The following OTOF variants were observed in gnomAD, a reference collection of about 807,000 sequenced individuals.
OTOF encodes fer-1-like family member 2.
Under a neutral mutation model 236.8 loss-of-function variants are expected in OTOF, and 218 were observed. That is an observed-to-expected ratio of 0.92 (90% confidence interval 0.82 to 1.03). OTOF has a LOEUF of 1.03. Ranked by LOEUF, OTOF falls within the 50% of genes least tolerant of loss-of-function variation. The pLI is 0.00. For missense variants in OTOF, 2,590 were observed against 2,694.4 expected, an observed-to-expected ratio of 0.96 and a Z score of 0.86; for synonymous variants, 1,041 against 1,072.5, an observed-to-expected ratio of 0.97 and a Z score of 0.57.
chr2:26,475,108 C>T (rs1210431957), intron 25 of OTOF, among the ~76,000 whole-genome samples: 6 of 152,016 alleles, frequency 3.9e-5, no homozygotes, highest in African/African-American at 9.7e-5. Context: ...CTTGCTGGCA[C>T]ACCTCCAGGG....
At chr2:26,501,658 G>A (rs1666117608) in intron 8 of OTOF, 96 bp downstream of exon 8, 1 of 877,210 alleles carries the variant, frequency 1.1e-6, no homozygotes. Flanking sequence ...ATGACCCCTG[G>A]ATCCATGCCT....
chr2:26,475,270 G>C, intron 25 of OTOF, 89 bp downstream of exon 25: 5 of 1,477,184 alleles, frequency 3.4e-6, no homozygotes, highest in Non-Finnish European at 4.7e-6. Context: ...TGGCGGAGGT[G>C]AGGGCACAGC....
chr2:26,558,217 C>T (rs963734340), intron 1 of OTOF, among the ~76,000 whole-genome samples: 1 of 152,052 alleles, frequency 6.6e-6, no homozygotes, highest in Admixed American at 6.5e-5. Context: ...TCTGCCTCCC[C>T]AGGCAGAGGG....
rs1172296369 is a variant in OTOF, at chr2:26,467,216, C to T, written c.4245G>A (p.Leu1415=). The T allele has an allele frequency of 1.9e-6, 3 of 1,614,030 alleles. No homozygotes were observed. The African/African-American group carries it at 4.0e-5, about 22-fold the overall frequency. ...IDELKVYPKE[L]ESEFDNFEDW... is the part of the protein sequence containing the mutation. ...CCTCAAAGTTATCAAACTCGGACTC[C>T]AGCTCTTTGGGGTATACCTGAGACA... The change falls in exon 35 of 47, where the codon CTG becomes CTA. Residue 1415 remains leucine (L), a synonymous_variant. Coordinates refer to ENST00000272371, the MANE Select transcript of OTOF (RefSeq NM_194248.3).
intron 11 of OTOF, among the ~76,000 whole-genome samples, chr2:26,488,354 T>A (rs1665749977): frequency 6.6e-6 from 1 of 152,230 alleles, no homozygotes; most frequent in Non-Finnish European, 1.5e-5. Flanking sequence ...ATTACAGCAC[T>A]CTGAGCAGTG....
intron 36 of OTOF, chr2:26,466,345 T>A: frequency 1.9e-6 from 1 of 539,262 alleles, no homozygotes; most frequent in East Asian, 3.4e-5. Context: ...TCTTCTTTTT[T>A]TTTTCCTTTG....
chr2:26,519,373 C>G (rs1666620189), intron 3 of OTOF, among the ~76,000 whole-genome samples: 1 of 152,212 alleles, frequency 6.6e-6, no homozygotes, highest in Non-Finnish European at 1.5e-5. Flanking sequence ...TGTCTACAGA[C>G]TGCGGGGAAA....
At chr2:26,557,888 A>G (rs1667633181) in intron 1 of OTOF, among the ~76,000 whole-genome samples, 1 of 151,720 alleles carries the variant, frequency 6.6e-6, no homozygotes, top group Admixed American at 6.6e-5. Context: ...TTCTACCCCT[A>G]TCCTTGGGAC....
chr2:26,526,571 C>T (rs570678379), intron 3 of OTOF, among the ~76,000 whole-genome samples: 22 of 152,266 alleles, frequency 1.4e-4, no homozygotes, highest in African/African-American at 5.1e-4. Context: ...AGGCTCTCAT[C>T]CATTTGTTAT....
Position 26,477,787 on chromosome 2 carries a change from C to G in OTOF, c.2215-38G>C, listed in dbSNP as rs567936100. The G allele has an allele frequency of 1.4e-5, 22 of 1,609,708 alleles. No homozygotes were observed. The East Asian group carries it at 4.7e-4, about 34-fold the overall frequency. ...AGTGTGGGTGATGCTGGGCCACAGC[C>G]CCGCCTCCCCAGCCTCCCCAAATGC... is the stretch of plus-strand genomic sequence containing the variant. On this transcript the variant is annotated intron_variant, in intron 18 of 46. Coordinates refer to ENST00000272371, the MANE Select transcript of OTOF (RefSeq NM_194248.3). The surrounding 1 kb of genome is among the most constrained non-coding windows in gnomAD (Gnocchi z 4.7).
chr2:26,524,225 AGGCTGGATTTGGT>A (rs540932677), intron 3 of OTOF, among the ~76,000 whole-genome samples: 1,564 of 152,316 alleles, frequency 0.01, 17 homozygotes, highest in South Asian at 0.034. Flanking sequence ...CATCTAATAC[AGGCTGGATTTGGT>A]GGCTGGCACC....
At chr2:26,505,884 C>A (rs1666235621) in intron 5 of OTOF, among the ~76,000 whole-genome samples, 1 of 152,210 alleles carries the variant, frequency 6.6e-6, no homozygotes, top group South Asian at 2.1e-4. Flanking sequence ...ACAGATCATA[C>A]CCATGTTTAC....
At position 26,477,408 on chromosome 2, in the gene OTOF, G is replaced by A. The variant is rs745420966; in HGVS notation, c.2406+8C>T. ...CCTCCAGCCCCCGCCGTCCAGTTGC[G>A]TCCTCACCAGCTCCCTCATGCAGGA... On this transcript the variant is annotated splice_region_variant and intron_variant, in intron 20 of 46. Transcript: ENST00000272371. This position sits in a 1 kb window ranked among gnomAD's most constrained non-coding sequence, Gnocchi z 4.7. 40 of 1,579,676 alleles carry A rather than the reference G, an allele frequency of 2.5e-5. No individual in the cohort carries two copies. The highest frequency in any genetic ancestry group is 4.6e-5 in the East Asian group (2 of 43,278).
rs777263083 is a variant in OTOF, at chr2:26,470,569, C to T, written c.4023+24G>A. On this transcript the variant is annotated intron_variant, in intron 32 of 46. Transcript: ENST00000272371. This position sits in a 1 kb window ranked among gnomAD's most constrained non-coding sequence, Gnocchi z 4.3. ...GTCTGAGTGTGGAGGGGGTCACCTCCCCTCACCCTACCCGAGGTCTCACCT... is the reference window on the plus strand; with the variant it reads ...GTCTGAGTGTGGAGGGGGTCACCTCTCCTCACCCTACCCGAGGTCTCACCT... The T allele has an allele frequency of 3.1e-6, 5 of 1,613,212 alleles. No homozygotes were observed. The East Asian group carries it at 8.9e-5, about 29-fold the overall frequency.
intron 9 of OTOF, 36 bp downstream of exon 9, chr2:26,494,906 A>ATTTACAG: frequency 1.2e-6 from 2 of 1,613,614 alleles, no homozygotes; most frequent in Non-Finnish European, 1.7e-6. Context: ...CTCCTGCCAT[A>ATTTACAG]TTTACAGAGG....
intron 5 of OTOF, among the ~76,000 whole-genome samples, chr2:26,513,101 G>A (rs1204472896): frequency 6.6e-6 from 1 of 152,178 alleles, no homozygotes; most frequent in African/African-American, 2.4e-5. Flanking sequence ...GCCTAGGGGA[G>A]GTGGAATCGT....
At chr2:26,480,694 C>T (rs541256087) in intron 15 of OTOF, 92 bp downstream of exon 15, 8 of 1,048,696 alleles carry the variant, frequency 7.6e-6, no homozygotes, top group Admixed American at 5.3e-5. Context: ...GTAGACAGGG[C>T]AGCAACAGGC....
chr2:26,547,558 G>A (rs1012245373), intron 1 of OTOF, among the ~76,000 whole-genome samples: 2 of 152,118 alleles, frequency 1.3e-5, no homozygotes, highest in African/African-American at 2.4e-5. Flanking sequence ...TCTACAGGCC[G>A]GGTGTGGTGG....
In OTOF at chr2:26,460,095, A is replaced by G. The variant is rs767754683; in HGVS notation, c.5924T>C (p.Leu1975Pro). ...LLLKLLLLLL[L>P]LLLLALFLYS... ...GAGGAACAGGGCGAGGAGGAGGAGC[A>G]GCAGCAGGAGCAGCAACAGTTTGAG... is the stretch of plus-strand genomic sequence containing the variant. The change falls in exon 46 of 47, where the codon CTG (leucine) becomes CCG (proline). Residue 1975 changes from leucine to proline, a missense_variant. Leu to Pro is a moderately conservative substitution (Grantham distance 98). This residue lies in a region of OTOF where 1,211 missense variants were observed against 1,352.8 expected (regional missense o/e 0.90). Coordinates refer to ENST00000272371, the MANE Select transcript of OTOF (RefSeq NM_194248.3). The surrounding 1 kb of genome is among the most constrained non-coding windows in gnomAD (Gnocchi z 5.3). 6.3e-7 allele frequency: 1 copy of G among 1,580,776 alleles called. No individual in the cohort carries two copies. The highest frequency in any genetic ancestry group is 1.8e-5 in the Admixed American group (1 of 54,442).
Sources: allele counts gnomAD v4.1 joint callset (sites outside exome capture counted in the v4.1 genomes callset), GRCh38; gene constraint gnomAD v4.1.1; regional missense constraint gnomAD v4.1.1; non-coding constraint Gnocchi (gnomAD v3.1); transcripts MANE v1.5; gene names NCBI Gene and HGNC (gene_info 2026-07-23, HGNC 2026-07-21).